The following CCDC171 variants were observed in gnomAD, a reference collection of about 807,000 sequenced individuals.
CCDC171 encodes the protein coiled-coil domain containing 171, also known as coiled-coil domain-containing protein 171.
CCDC171 carries 177 observed loss-of-function variants against 168.2 expected under a neutral mutation model. The ratio of observed to expected loss-of-function variants is 1.05; its 90% CI spans 0.93 to 1.19. The LOEUF is 1.19. Among genes scored for constraint, CCDC171 ranks in the 50% most tolerant of loss-of-function variants. The pLI, the probability that CCDC171 is intolerant of heterozygous loss-of-function variation, is 0.00. For missense variants in CCDC171, 1,991 were observed against 1,539.0 expected (o/e 1.29, Z -4.91); for synonymous variants, 687 against 540.8 (o/e 1.27, Z -3.75).
chr9:15,792,069 C>G (rs777059610), intron 21 of CCDC171, among the ~76,000 whole-genome samples: 1 of 152,052 alleles, frequency 6.6e-6, no homozygotes, highest in Non-Finnish European at 1.5e-5. Context: ...AAGCTAAAAA[C>G]CTTGAAAAAA....
At chr9:16,040,974 G>C (rs1833562246), upstream of CCDC171, among the ~76,000 whole-genome samples, 1 of 152,056 alleles carries the variant, frequency 6.6e-6, no homozygotes, top group Admixed American at 6.6e-5. Context: ...AGAGGTGTTT[G>C]CAAGCGTGTG....
chr9:15,763,761 G>T (rs1172493226), intron 18 of CCDC171, among the ~76,000 whole-genome samples: 1 of 152,122 alleles, frequency 6.6e-6, no homozygotes, highest in Non-Finnish European at 1.5e-5. Context: ...CTTTTTCATT[G>T]CTGAGTAATA....
At chr9:15,846,047 A>C (rs76512002) in intron 21 of CCDC171, among the ~76,000 whole-genome samples, 4,097 of 152,210 alleles carry the variant, frequency 0.027, 196 homozygotes, top group African/African-American at 0.093. Flanking sequence ...AATAATTCTG[A>C]ATGCAAGTAT....
intron 21 of CCDC171, among the ~76,000 whole-genome samples, chr9:15,794,882 A>C (rs1211942967): frequency 6.6e-6 from 1 of 152,116 alleles, no homozygotes; most frequent in Admixed American, 6.6e-5. Flanking sequence ...TTCACTTGGG[A>C]CTTTTAGATC....
rs1186990390 is a variant in CCDC171 at position 15,610,468 on chromosome 9, A to C, written c.676-12799A>C. Among the ~76,000 whole-genome samples, 7 of 140,996 alleles carry C rather than the reference A, an allele frequency of 5.0e-5. No homozygotes were observed. In the East Asian group the frequency reaches 8.8e-4, roughly 18 times the overall value. 92.5% of individuals were successfully genotyped at this position (140,996 alleles called of 152,430 possible). On this transcript the variant is annotated intron_variant, in intron 6 of 25. Coordinates refer to ENST00000380701, the MANE Select transcript of CCDC171 (RefSeq NM_173550.4). ...CTAAAAAAAAAAAAAAAAAAAAAAA[A>C]AAAAAAAAAAAAACTGGGCGTGGTG... is the stretch of plus-strand genomic sequence containing the variant.
At chr9:15,989,627 C>G (rs1267711167) in intron 3 of CCDC171, among the ~76,000 whole-genome samples, 1 of 151,900 alleles carries the variant, frequency 6.6e-6, no homozygotes, top group East Asian at 1.9e-4. Flanking sequence ...TCAAACTTCT[C>G]CGAGCTAAAG....
At chr9:15,946,986 C>G (rs916753701) in intron 25 of CCDC171, among the ~76,000 whole-genome samples, 1 of 151,924 alleles carries the variant, frequency 6.6e-6, no homozygotes. Context: ...GCATTTTAAT[C>G]TGTCTCAGTT....
chr9:16,095,733 G>T, the CCDC171 span, among the ~76,000 whole-genome samples: 19 of 152,124 alleles, frequency 1.2e-4, no homozygotes, highest in Middle Eastern at 0.014. Flanking sequence ...ACATTTGCCA[G>T]ATGTGACCCT....
intron 6 of CCDC171, among the ~76,000 whole-genome samples, chr9:15,608,740 C>G (rs770506732): frequency 4.7e-5 from 7 of 150,090 alleles, no homozygotes; most frequent in Non-Finnish European, 1.0e-4. Flanking sequence ...TTGCTTGAGC[C>G]CAGGAGTTCG....
intron 18 of CCDC171, among the ~76,000 whole-genome samples, chr9:15,763,090 T>A (rs1205351576): frequency 6.6e-6 from 1 of 152,202 alleles, no homozygotes; most frequent in Non-Finnish European, 1.5e-5. Context: ...AGGAAACTGT[T>A]ATATTTAGGA....
chr9:15,906,802 G>A (rs1350788264), intron 24 of CCDC171, among the ~76,000 whole-genome samples: 1 of 152,052 alleles, frequency 6.6e-6, no homozygotes, highest in African/African-American at 2.4e-5. Context: ...ATCTCCTTAA[G>A]CTGATAAGCG....
intron 18 of CCDC171, among the ~76,000 whole-genome samples, chr9:15,775,363 TATTTA>T (rs2057264040): frequency 6.6e-6 from 1 of 152,200 alleles, no homozygotes; most frequent in East Asian, 1.9e-4. Flanking sequence ...TTTGTTTGTT[TATTTA>T]TTTATTCCTT....
At chr9:16,068,924 A>T in the CCDC171 span, among the ~76,000 whole-genome samples, 4 of 152,170 alleles carry the variant, frequency 2.6e-5, no homozygotes, top group South Asian at 2.1e-4. Context: ...CATGGTGAGC[A>T]TTGTGTCTTC....
At chr9:15,791,800 C>T (rs1334352430) in intron 21 of CCDC171, among the ~76,000 whole-genome samples, 1 of 152,156 alleles carries the variant, frequency 6.6e-6, no homozygotes, top group East Asian at 1.9e-4. Context: ...ACAGAAAGGA[C>T]ATCCACACCA....
intron 21 of CCDC171, among the ~76,000 whole-genome samples, chr9:15,813,830 G>T (rs954153482): frequency 1.3e-5 from 2 of 152,142 alleles, no homozygotes; most frequent in Non-Finnish European, 2.9e-5. Context: ...GAATAAGGAG[G>T]CCAAATGCCT....
intron 23 of CCDC171, among the ~76,000 whole-genome samples, 196 bp downstream of exon 23, chr9:15,849,143 C>T (rs534818008): frequency 6.6e-6 from 1 of 151,530 alleles, no homozygotes; most frequent in Non-Finnish European, 1.5e-5. Context: ...CTTTATATAT[C>T]TATAAAACTA....
chr9:15,664,322 C>A (rs1331773136), intron 8 of CCDC171, among the ~76,000 whole-genome samples: 1 of 152,128 alleles, frequency 6.6e-6, no homozygotes, highest in Non-Finnish European at 1.5e-5. Flanking sequence ...GATCTTGGCT[C>A]ACTACAGCCT....
chr9:15,955,635 G>GCAAGCCTT (rs1829718742), intron 25 of CCDC171, among the ~76,000 whole-genome samples: 1 of 152,138 alleles, frequency 6.6e-6, no homozygotes, highest in Admixed American at 6.6e-5. Context: ...CCTGGAAGTT[G>GCAAGCCTT]CAAGCCTTCA....
chr9:16,026,450 A>G (rs1285511473), intron 6 of CCDC171, among the ~76,000 whole-genome samples: 1 of 152,132 alleles, frequency 6.6e-6, no homozygotes, highest in Admixed American at 6.6e-5. Flanking sequence ...TGTGTTTTCA[A>G]GCCACCTCAA....
Sources: gnomAD v4.1 joint callset for allele counts (sites outside exome capture counted in the v4.1 genomes callset) on GRCh38, gnomAD v4.1.1 for gene constraint, MANE v1.5 for transcripts, NCBI Gene and HGNC (gene_info 2026-07-23, HGNC 2026-07-21) for gene names.